The following ACER3 variants were observed in gnomAD, a reference collection of about 807,000 sequenced individuals.
ACER3 encodes alkaline ceramidase 3, also known as alkCDase 3.
In ACER3, 16 loss-of-function variants were observed where a neutral mutation model predicts 48.9. That is an observed-to-expected ratio of 0.33 (90% CI 0.22 to 0.50). ACER3 has a LOEUF of 0.50. Ranked by LOEUF, ACER3 falls within the 20% of genes least tolerant of loss-of-function variation. The probability of loss-of-function intolerance (pLI) is 0.98; values close to 1 mark genes in which losing one functional copy is unlikely to be tolerated. For missense variants in ACER3, 227 were observed against 326.0 expected (o/e 0.70, Z 2.34); for synonymous variants, 109 against 107.8 (o/e 1.01, Z -0.07).
chr11:76,902,627 ATCACTAGTGAC>A (rs1341737094), intron 1 of ACER3, among the ~76,000 whole-genome samples: 1 of 152,242 alleles, frequency 6.6e-6, no homozygotes, highest in East Asian at 1.9e-4. Context: ...CACTTCTAGC[ATCACTAGTGAC>A]ACTTCATATA....
chr11:76,942,837 T>C (rs1947372378), intron 2 of ACER3, among the ~76,000 whole-genome samples: 1 of 152,010 alleles, frequency 6.6e-6, no homozygotes, highest in Admixed American at 6.6e-5. Flanking sequence ...TGGGAGATTT[T>C]TTTTAAATCA....
intron 2 of ACER3, among the ~76,000 whole-genome samples, chr11:76,933,009 C>T (rs923068970): frequency 1.3e-5 from 2 of 151,934 alleles, no homozygotes; most frequent in Non-Finnish European, 2.9e-5. Flanking sequence ...AAAGGCATCA[C>T]TTCTGGGAAA....
Position 76,932,955 on chromosome 11 carries a change from G to A in ACER3, c.214+6288G>A, listed in dbSNP as rs74646282. ...TGGTAGATCACAGTACTGTCTAAAG[G>A]TAAAGGCCTTGAAAGTGTGTCAGAC... On this transcript the variant is annotated intron_variant, in intron 2 of 10. Coordinates refer to ENST00000532485, the MANE Select transcript of ACER3 (RefSeq NM_018367.7). Among the ~76,000 whole-genome samples, 960 of 152,132 alleles carry A rather than the reference G, an allele frequency of 6.3e-3. 16 individuals are homozygous for A. Among genetic ancestry groups the A allele is most frequent in the African/African-American group, 0.022 (916 of 41,530 alleles).
At position 77,022,819 on chromosome 11, in the gene ACER3, A is replaced by AGAAAAT; in HGVS notation, c.*2493_*2498dup. On this transcript the variant is annotated 3_prime_UTR_variant, in exon 11 of 11. Transcript: ENST00000532485. ...TGAACTCTACAGCAAATTATATTTTAGAAAATACTTTGTGAGGCCGGGCAT... is the reference window on the plus strand; with the variant it reads ...TGAACTCTACAGCAAATTATATTTTAGAAAATGAAAATACTTTGTGAGGCCGGGCAT... 4.1e-6 allele frequency: 1 copy of AGAAAAT among 242,386 alleles called. No homozygotes were observed. The highest frequency in any genetic ancestry group is 7.7e-6 in the Non-Finnish European group (1 of 129,054). The allele number at this position is 242,386 out of a possible 1,614,324, so 15.0% of individuals were successfully genotyped here.
At chr11:76,987,468 G>A (rs1302639468) in intron 5 of ACER3, among the ~76,000 whole-genome samples, 1 of 152,176 alleles carries the variant, frequency 6.6e-6, no homozygotes, top group East Asian at 1.9e-4. Flanking sequence ...GTGCCATGGG[G>A]TAGGGGTAGA....
intron 3 of ACER3, among the ~76,000 whole-genome samples, chr11:76,960,341 G>A (rs769266011): frequency 2.0e-5 from 3 of 151,890 alleles, no homozygotes; most frequent in East Asian, 1.9e-4. Flanking sequence ...CCTGGGAGGC[G>A]GAGATCGCAG....
intron 2 of ACER3, among the ~76,000 whole-genome samples, chr11:76,934,144 GA>G (rs1225187652): frequency 6.6e-6 from 1 of 152,012 alleles, no homozygotes; most frequent in Non-Finnish European, 1.5e-5. Context: ...GCCGGGCAGA[GA>G]CGCTCCTCAC....
intron 1 of ACER3, among the ~76,000 whole-genome samples, chr11:76,868,737 T>C: frequency 6.6e-6 from 1 of 152,220 alleles, no homozygotes; most frequent in East Asian, 1.9e-4. Context: ...AATATTAGAC[T>C]ATACCTTTTT....
intron 1 of ACER3, among the ~76,000 whole-genome samples, chr11:76,912,592 A>T (rs1946409079): frequency 6.6e-6 from 1 of 152,120 alleles, no homozygotes; most frequent in Admixed American, 6.6e-5. Flanking sequence ...GAAGACAATG[A>T]CATATTGTTT....
chr11:76,902,790 T>C (rs1590905837), intron 1 of ACER3, among the ~76,000 whole-genome samples: 1 of 152,212 alleles, frequency 6.6e-6, no homozygotes, highest in African/African-American at 2.4e-5. Context: ...TAGTATCACA[T>C]AGTGTTTTAA....
intron 7 of ACER3, 140 bp downstream of exon 7, chr11:76,998,961 G>T: frequency 1.8e-6 from 1 of 564,490 alleles, no homozygotes. Context: ...AACATTTATT[G>T]TTATATTATA....
chr11:76,861,145 G>T, intron 1 of ACER3, 66 bp downstream of exon 1: 1 of 1,454,972 alleles, frequency 6.9e-7, no homozygotes. Context: ...GCCGTGTGAG[G>T]AAGGCAAAGA....
chr11:76,991,992 C>CT (rs1435638798), intron 6 of ACER3, among the ~76,000 whole-genome samples: 1 of 151,634 alleles, frequency 6.6e-6, no homozygotes, highest in African/African-American at 2.4e-5. Context: ...CTTTGGGAGG[C>CT]TGAGGTGGGA....
chr11:76,876,192 A>G (rs1945375984), intron 1 of ACER3, among the ~76,000 whole-genome samples: 1 of 152,170 alleles, frequency 6.6e-6, no homozygotes, highest in African/African-American at 2.4e-5. Flanking sequence ...ACCATCAGCC[A>G]GGAAAGTTCC....
At chr11:76,983,293 G>C (rs1354466345) in intron 4 of ACER3, among the ~76,000 whole-genome samples, 3 of 152,062 alleles carry the variant, frequency 2.0e-5, no homozygotes, top group Non-Finnish European at 4.4e-5. Context: ...TGTTTTTCAT[G>C]GTTAGGATGC....
At chr11:76,900,981 G>A (rs549387994) in intron 1 of ACER3, among the ~76,000 whole-genome samples, 6 of 152,222 alleles carry the variant, frequency 3.9e-5, no homozygotes, top group African/African-American at 1.4e-4. Flanking sequence ...TTCTCCAACA[G>A]GAATCTATTG....
intron 7 of ACER3, among the ~76,000 whole-genome samples, chr11:77,003,398 G>A (rs1555020291): frequency 2.0e-5 from 3 of 152,132 alleles, no homozygotes; most frequent in African/African-American, 7.2e-5. Flanking sequence ...GAGAGGGCTT[G>A]CAGTGATAAT....
chr11:76,957,275 C>T (rs1264756402), intron 2 of ACER3, among the ~76,000 whole-genome samples: 1 of 151,608 alleles, frequency 6.6e-6, no homozygotes, highest in Non-Finnish European at 1.5e-5. Context: ...TAAACTGAAT[C>T]AGAAAAAAAA....
intron 7 of ACER3, among the ~76,000 whole-genome samples, chr11:77,001,162 C>T (rs1333018478): frequency 1.3e-5 from 2 of 152,118 alleles, no homozygotes; most frequent in Non-Finnish European, 1.5e-5. Flanking sequence ...ATGTTCATTG[C>T]TATTATATAG....
Sources: gnomAD v4.1 joint callset for allele counts (sites outside exome capture counted in the v4.1 genomes callset) on GRCh38, gnomAD v4.1.1 for gene constraint, MANE v1.5 for transcripts, NCBI Gene and HGNC (gene_info 2026-07-23, HGNC 2026-07-21) for gene names.